Variants in EHBP1 observed in about 807,000 individuals in gnomAD.
EHBP1 encodes EH domain-binding protein 1.
In EHBP1, 55 loss-of-function variants were observed where a neutral mutation model predicts 144.0. The ratio of observed to expected loss-of-function variants is 0.38; its 90% CI spans 0.31 to 0.48. EHBP1 has a LOEUF of 0.48. Ranked by LOEUF, EHBP1 falls within the 20% of genes least tolerant of loss-of-function variation. The pLI is 0.98. For missense variants in EHBP1, 1,200 were observed against 1,364.2 expected (o/e 0.88, Z 1.90); for synonymous variants, 469 against 472.7 (o/e 0.99, Z 0.10).
chr2:62,775,465 A>G (rs886964924), intron 5 of EHBP1, among the ~76,000 whole-genome samples: 13 of 152,312 alleles, frequency 8.5e-5, no homozygotes, highest in Middle Eastern at 6.8e-3. Context: ...GACACTGAAA[A>G]GGTATGCTCT....
At chr2:62,977,191 T>C (rs149590252) in intron 14 of EHBP1, among the ~76,000 whole-genome samples, 2 of 151,680 alleles carry the variant, frequency 1.3e-5, no homozygotes, top group Non-Finnish European at 2.9e-5. Flanking sequence ...AAAAAAGACA[T>C]ATGCATAAAA....
At chr2:62,924,171 C>G (rs1214105944) in intron 10 of EHBP1, among the ~76,000 whole-genome samples, 1 of 152,130 alleles carries the variant, frequency 6.6e-6, no homozygotes, top group African/African-American at 2.4e-5. Context: ...TGGGCATACC[C>G]CCAGGTTCAA....
intron 7 of EHBP1, among the ~76,000 whole-genome samples, chr2:62,855,169 C>T (rs1311949051): frequency 6.6e-6 from 1 of 152,220 alleles, no homozygotes; most frequent in Non-Finnish European, 1.5e-5. Context: ...GAAGTGCCTG[C>T]TTCTGCTGTC....
Position 63,045,272 on chromosome 2 carries a change from C to G in EHBP1, c.3392+92C>G. ...GTTCAATCCAGAGGTCGCGGGAGGG[C>G]CGGGGCAGCCTCCCACTGGCCTGGT... is the stretch of plus-strand genomic sequence containing the variant. On this transcript the variant is annotated intron_variant, in intron 22 of 22. Transcript: ENST00000431489. The surrounding 1 kb of genome is among the most constrained non-coding windows in gnomAD (Gnocchi z 5.7). 7.2e-7 allele frequency: 1 copy of G among 1,392,696 alleles called. No homozygotes were observed. Among genetic ancestry groups the G allele is most frequent in the Non-Finnish European group, 9.9e-7 (1 of 1,005,242 alleles). 86.3% of individuals were successfully genotyped at this position (1,392,696 alleles called of 1,614,324 possible). A position where few individuals can be genotyped will look rare whatever the true frequency, so the allele number is the denominator to read the frequency against.
intron 19 of EHBP1, among the ~76,000 whole-genome samples, chr2:63,010,163 A>G (rs1374618912): frequency 6.6e-6 from 1 of 151,316 alleles, no homozygotes; most frequent in Non-Finnish European, 1.5e-5. Flanking sequence ...TTTGTATATA[A>G]TACTACCACG....
chr2:62,894,059 AACAG>A (rs1394896866), intron 10 of EHBP1, among the ~76,000 whole-genome samples: 1 of 152,030 alleles, frequency 6.6e-6, no homozygotes, highest in African/African-American at 2.4e-5. Flanking sequence ...AAAAAAAAAA[AACAG>A]CAACAACACA....
chr2:62,783,250 G>A lies in EHBP1; in HGVS notation c.312+11858G>A, dbSNP rs982075736. ...CAGCCCCCCTCCTGGCTGCTTTCAC[G>A]GGCTGTCATTTAGTGTCTGTGGCTT... is the stretch of plus-strand genomic sequence containing the variant. On this transcript the variant is annotated intron_variant, in intron 5 of 22. Transcript: ENST00000431489. Among the ~76,000 whole-genome samples, 6 of 152,240 alleles carry A rather than the reference G, an allele frequency of 3.9e-5. No individual in the cohort carries two copies. In the East Asian group the frequency reaches 7.7e-4, roughly 20 times the overall value.
intron 2 of EHBP1, among the ~76,000 whole-genome samples, chr2:62,738,965 A>G (rs1390663820): frequency 6.6e-6 from 1 of 152,110 alleles, no homozygotes; most frequent in African/African-American, 2.4e-5. Context: ...GCCTGTTCGC[A>G]TTTAAGAGGG....
intron 19 of EHBP1, among the ~76,000 whole-genome samples, chr2:63,017,504 A>G (rs889129559): frequency 6.6e-6 from 1 of 152,364 alleles, no homozygotes; most frequent in Non-Finnish European, 1.5e-5. Flanking sequence ...GATACTTTAT[A>G]TCAAGCATTT....
intron 10 of EHBP1, among the ~76,000 whole-genome samples, chr2:62,886,111 C>T (rs1258825957): frequency 6.6e-6 from 1 of 152,130 alleles, no homozygotes; most frequent in African/African-American, 2.4e-5. Flanking sequence ...AAGCAAGCAC[C>T]CTTTTCAGCT....
intron 5 of EHBP1, among the ~76,000 whole-genome samples, chr2:62,813,454 G>A (rs1035790862): frequency 1.3e-5 from 2 of 152,192 alleles, no homozygotes; most frequent in African/African-American, 4.8e-5. Flanking sequence ...TGGAGCCATG[G>A]GAGCAAGGTT....
At chr2:62,876,223 G>A (rs1200563993) in intron 10 of EHBP1, among the ~76,000 whole-genome samples, 3 of 152,020 alleles carry the variant, frequency 2.0e-5, no homozygotes, top group Non-Finnish European at 2.9e-5. Flanking sequence ...AATAGTAAAG[G>A]CAGAGAGAAA....
At chr2:63,013,894 A>G (rs2060375665) in intron 19 of EHBP1, among the ~76,000 whole-genome samples, 1 of 152,208 alleles carries the variant, frequency 6.6e-6, no homozygotes, top group Non-Finnish European at 1.5e-5. Context: ...ATTTCTGATT[A>G]ATTTCCACTC....
At chr2:62,706,480 C>G (rs2151791195) in intron 1 of EHBP1, 1 of 152,330 alleles carries the variant, frequency 6.6e-6, no homozygotes, top group Non-Finnish European at 1.5e-5. Context: ...CACATATTGT[C>G]GGACTTGAGG....
intron 5 of EHBP1, among the ~76,000 whole-genome samples, chr2:62,781,279 T>C (rs7562149): frequency 0.36 from 54,876 of 152,002 alleles, 10,021 homozygotes; most frequent in Middle Eastern, 0.54. Context: ...CAATCCTTTT[T>C]CTGTAACTTC....
intron 10 of EHBP1, among the ~76,000 whole-genome samples, chr2:62,906,722 A>G (rs1184031034): frequency 6.6e-6 from 1 of 152,208 alleles, no homozygotes; most frequent in Non-Finnish European, 1.5e-5. Context: ...TGACATCGTT[A>G]CAGTCCAGAT....
intron 7 of EHBP1, among the ~76,000 whole-genome samples, chr2:62,852,209 C>G (rs1229779004): frequency 6.6e-6 from 1 of 151,972 alleles, no homozygotes; most frequent in African/African-American, 2.4e-5. Context: ...AACGTCTTAG[C>G]TATATAAAGA....
intron 7 of EHBP1, among the ~76,000 whole-genome samples, chr2:62,843,614 T>G (rs1161866475): frequency 6.6e-6 from 1 of 152,214 alleles, no homozygotes; most frequent in East Asian, 1.9e-4. Flanking sequence ...CAGCATATTA[T>G]GGCAGTTGTT....
chr2:62,909,364 G>C (rs1025791911), intron 10 of EHBP1, among the ~76,000 whole-genome samples: 39 of 152,066 alleles, frequency 2.6e-4, no homozygotes, highest in Non-Finnish European at 5.0e-4. Context: ...TGTATTTTTA[G>C]AAGAGATCAG....
Sources: gnomAD v4.1 joint callset for allele counts (sites outside exome capture counted in the v4.1 genomes callset) on GRCh38, gnomAD v4.1.1 for gene constraint, Gnocchi (gnomAD v3.1) non-coding constraint, MANE v1.5 for transcripts, NCBI Gene and HGNC (gene_info 2026-07-23, HGNC 2026-07-21) for gene names.